SGK3: variants seen among roughly 807,000 people sequenced by gnomAD.
SGK3 encodes serine/threonine-protein kinase Sgk3.
A neutral mutation model predicts 68.5 loss-of-function variants in SGK3; 47 were observed. The ratio of observed to expected loss-of-function variants is 0.69; its 90% confidence interval spans 0.54 to 0.87. The LOEUF (loss-of-function observed/expected upper bound fraction) is 0.87, where lower values mean the gene tolerates loss of function less well. Ranked by LOEUF, SGK3 falls within the 40% of genes least tolerant of loss-of-function variation. The pLI is 0.00. For missense variants in SGK3, 479 were observed against 575.5 expected (o/e 0.83, Z 1.72); for synonymous variants, 181 against 189.1 (o/e 0.96, Z 0.35).
At chr8:66,738,714 G>A (rs187132826) in intron 1 of SGK3, among the ~76,000 whole-genome samples, 15 of 151,530 alleles carry the variant, frequency 9.9e-5, no homozygotes, top group Middle Eastern at 3.4e-3. Context: ...TGCAAGCTCC[G>A]CCTCCCGGGT....
intron 1 of SGK3, among the ~76,000 whole-genome samples, chr8:66,744,346 T>C (rs1447716397): frequency 6.6e-6 from 1 of 151,058 alleles, no homozygotes; most frequent in African/African-American, 2.4e-5. Context: ...TCTAATATCT[T>C]CTTTTTTATA....
At chr8:66,828,891 G>A (rs1226588164) in intron 7 of SGK3, among the ~76,000 whole-genome samples, 188 bp downstream of exon 7, 1 of 134,388 alleles carries the variant, frequency 7.4e-6, no homozygotes, top group Non-Finnish European at 1.5e-5. Flanking sequence ...ATAGCCCTGA[G>A]GAATTTTTAA....
intron 1 of SGK3, among the ~76,000 whole-genome samples, chr8:66,726,022 T>C (rs1297970547): frequency 6.6e-6 from 1 of 152,154 alleles, no homozygotes; most frequent in African/African-American, 2.4e-5. Context: ...TTTTAGAAAA[T>C]AAAGGTTGGT....
chr8:66,733,733 A>G (rs1428017067), intron 1 of SGK3, among the ~76,000 whole-genome samples: 1 of 152,124 alleles, frequency 6.6e-6, no homozygotes, highest in Non-Finnish European at 1.5e-5. Flanking sequence ...TCATGTAGAA[A>G]AAAACTTTAA....
intron 1 of SGK3, among the ~76,000 whole-genome samples, chr8:66,723,116 TATATATA>T (rs1804859810): frequency 3.8e-5 from 2 of 52,322 alleles, no homozygotes; most frequent in African/African-American, 1.6e-4. Flanking sequence ...TATATATATA[TATATATA>T]TATATATATT....
chr8:66,723,104 TATATATATATATATATATATATATATA>T (rs1563595074), intron 1 of SGK3, among the ~76,000 whole-genome samples: 3 of 34,312 alleles, frequency 8.7e-5, no homozygotes, highest in East Asian at 7.6e-4. Context: ...TATATATATA[TATATATATATATATATATATATATATA>T]TTTTTTTTTT....
intron 1 of SGK3, among the ~76,000 whole-genome samples, chr8:66,729,579 T>A (rs1009940412): frequency 6.6e-6 from 1 of 152,228 alleles, no homozygotes; most frequent in Non-Finnish European, 1.5e-5. Context: ...ATAATACTGC[T>A]ATGAATATTT....
chr8:66,719,830 G>A (rs1233284618), intron 1 of SGK3, among the ~76,000 whole-genome samples: 2 of 152,158 alleles, frequency 1.3e-5, no homozygotes, highest in Non-Finnish European at 2.9e-5. Context: ...GAGAAAATAA[G>A]AATTACCAGT....
intron 5 of SGK3, among the ~76,000 whole-genome samples, chr8:66,818,553 A>G (rs1808687307): frequency 6.6e-6 from 1 of 152,226 alleles, no homozygotes; most frequent in African/African-American, 2.4e-5. Context: ...GAGATCTCTT[A>G]CACATCCTCT....
intron 1 of SGK3, among the ~76,000 whole-genome samples, chr8:66,723,090 CATATATA>C (rs1804846004): frequency 4.7e-5 from 1 of 21,276 alleles, no homozygotes; most frequent in African/African-American, 2.4e-4. Flanking sequence ...AGATTTTGTT[CATATATA>C]TATATATATA....
intron 4 of SGK3, among the ~76,000 whole-genome samples, chr8:66,806,939 G>A (rs747876866): frequency 8.5e-5 from 13 of 152,126 alleles, no homozygotes; most frequent in Admixed American, 3.9e-4. Flanking sequence ...AGGTTGAAAA[G>A]CATCTTCATG....
intron 1 of SGK3, among the ~76,000 whole-genome samples, chr8:66,765,853 G>A (rs969979368): frequency 2.0e-5 from 3 of 151,902 alleles, no homozygotes; most frequent in African/African-American, 7.3e-5. Flanking sequence ...GTGAAACTCT[G>A]TCTCTACTAA....
intron 13 of SGK3, among the ~76,000 whole-genome samples, chr8:66,843,043 C>G (rs997122890): frequency 6.6e-6 from 1 of 152,094 alleles, no homozygotes; most frequent in Non-Finnish European, 1.5e-5. Flanking sequence ...TGCATTCCAG[C>G]TTGGGCGACA....
At chr8:66,806,494 G>A (rs1051397578) in intron 4 of SGK3, among the ~76,000 whole-genome samples, 11 of 151,998 alleles carry the variant, frequency 7.2e-5, no homozygotes, top group African/African-American at 1.7e-4. Flanking sequence ...CTTTGTTTTC[G>A]CAGCGGAACA....
chr8:66,815,305 G>A (rs796916425), intron 5 of SGK3, among the ~76,000 whole-genome samples: 19 of 152,282 alleles, frequency 1.2e-4, no homozygotes, highest in African/African-American at 4.6e-4. Context: ...GCAAGGGTCA[G>A]GCAGGTCTCA....
intron 15 of SGK3, among the ~76,000 whole-genome samples, chr8:66,847,858 A>C (rs1358805201): frequency 6.9e-6 from 1 of 144,366 alleles, no homozygotes; most frequent in Admixed American, 6.9e-5. Context: ...CTTGAACACT[A>C]AGTCACTTTT....
intron 1 of SGK3, among the ~76,000 whole-genome samples, chr8:66,724,664 C>T (rs1346400902): frequency 6.6e-6 from 1 of 152,202 alleles, no homozygotes; most frequent in Non-Finnish European, 1.5e-5. Flanking sequence ...TTATTTATTG[C>T]TTTCACTGGA....
At chr8:66,827,853 G>C (rs1585777589) in intron 6 of SGK3, among the ~76,000 whole-genome samples, 1 of 152,184 alleles carries the variant, frequency 6.6e-6, no homozygotes, top group Admixed American at 6.5e-5. Flanking sequence ...GCTGAGCACG[G>C]TGGCTCACAA....
chr8:66,839,060 T>A (rs1809659967), intron 10 of SGK3, among the ~76,000 whole-genome samples: 1 of 152,048 alleles, frequency 6.6e-6, no homozygotes, highest in South Asian at 2.1e-4. Context: ...ACAGAATGGA[T>A]AAAGTTACCT....
Sources: gnomAD v4.1 joint callset for allele counts (sites outside exome capture counted in the v4.1 genomes callset) on GRCh38, gnomAD v4.1.1 for gene constraint, MANE v1.5 for transcripts, NCBI Gene and HGNC (gene_info 2026-07-23, HGNC 2026-07-21) for gene names.